The following SETD2 variants were observed in gnomAD, a reference collection of about 807,000 sequenced individuals.
SETD2 encodes histone-lysine N-methyltransferase SETD2.
In SETD2, 31 loss-of-function variants were observed where a neutral mutation model predicts 242.1. The observed-to-expected ratio is 0.13, with a 90% CI of 0.10 to 0.17. SETD2 has a LOEUF of 0.17. Ranked by LOEUF, SETD2 falls within the 10% of genes least tolerant of loss-of-function variation. The pLI, the probability that SETD2 is intolerant of heterozygous loss-of-function variation, is 1.00. For missense variants in SETD2, 2,481 were observed against 3,046.3 expected (o/e 0.81, Z 4.37); for synonymous variants, 1,006 against 1,066.5 (o/e 0.94, Z 1.11).
Position 47,062,328 on chromosome 3 carries a change from T to A in SETD2, c.6128A>T (p.Asp2043Val), listed in dbSNP as rs1456482272. ...KENTTTERGR[D>V]AVGFRDQTPA... ...TGTTTGATCTCTGAAGCCAACAGCA[T>A]CCCTTCCTCGTTCAGTTGCTAAGGG... Residue 2043 changes from aspartate (D) to valine (V), a missense_variant, in exon 14 of 21, where the codon GAT becomes GTT. Physicochemically the swap from Asp to Val is radical, Grantham distance 152. This residue lies in a region of SETD2 where 80 missense variants were observed against 102.6 expected (regional missense o/e 0.78). Transcript: ENST00000409792. 2 of 1,605,980 alleles carry A rather than the reference T, an allele frequency of 1.2e-6. No homozygotes were observed. Among genetic ancestry groups the A allele is most frequent in the South Asian group, 1.1e-5 (1 of 88,592 alleles).
chr3:47,019,226 T>A (rs1249260702), intron 19 of SETD2, among the ~76,000 whole-genome samples: 1 of 152,234 alleles, frequency 6.6e-6, no homozygotes, highest in Admixed American at 6.5e-5. Context: ...AACTGGACTT[T>A]GAGCCAGAAC....
rs138462098 is a variant in SETD2 at position 47,035,828 on chromosome 3, G to T, written c.7350+1838C>A. Among the ~76,000 whole-genome samples, 592 of 152,242 alleles carry T rather than the reference G, an allele frequency of 3.9e-3. 2 individuals are homozygous for T. The highest frequency in any genetic ancestry group is 0.012 in the African/African-American group (497 of 41,546). On this transcript the variant is annotated intron_variant, in intron 18 of 20. Coordinates refer to ENST00000409792, the MANE Select transcript of SETD2 (RefSeq NM_014159.7). ...AACACAGTACAGAAGTCTGGAAATG[G>T]GAGTTGTGATTTTTGTTTGTATTTA...
chr3:47,078,967 T>C (rs2041215668), intron 12 of SETD2, among the ~76,000 whole-genome samples: 1 of 152,072 alleles, frequency 6.6e-6, no homozygotes, highest in African/African-American at 2.4e-5. Flanking sequence ...TGGGCTCAAA[T>C]GATCTGCCCA....
Position 47,028,483 on chromosome 3 carries a change from A to G in SETD2, c.7351-8643T>C, listed in dbSNP as rs536308125. 3.3e-5 allele frequency among the ~76,000 whole-genome samples: 5 copies of G among 152,314 alleles called. No homozygotes were observed. The East Asian group carries it at 5.8e-4, about 18-fold the overall frequency. ...TCCCAGACAGGTGATGCCTTAGGAG[A>G]TACCCTAGAGAAAAAATTACTCTGG... On this transcript the variant is annotated intron_variant, in intron 18 of 20. Transcript: ENST00000409792.
intron 14 of SETD2, among the ~76,000 whole-genome samples, chr3:47,061,460 C>T (rs966499958): frequency 2.6e-5 from 4 of 152,082 alleles, no homozygotes; most frequent in African/African-American, 9.7e-5. Context: ...AAGGACAGCA[C>T]ATTTTCAATA....
intron 13 of SETD2, 118 bp downstream of exon 13, chr3:47,066,952 C>A: frequency 1.5e-6 from 1 of 660,604 alleles, no homozygotes; most frequent in Non-Finnish European, 2.6e-6. Context: ...TTTCATTTAC[C>A]TAGTTATATA....
intron 11 of SETD2, among the ~76,000 whole-genome samples, chr3:47,085,403 C>T (rs916790584): frequency 6.6e-6 from 1 of 152,216 alleles, no homozygotes; most frequent in Non-Finnish European, 1.5e-5. Context: ...ATGCAGACAT[C>T]TCTTCAGCTT....
Position 47,098,072 on chromosome 3 carries a change from G to A in SETD2, c.5025C>T (p.Ala1675=), listed in dbSNP as rs1293494337. Residue 1675 remains alanine, a synonymous_variant, in exon 9 of 21, where the codon GCC becomes GCT. Transcript: ENST00000409792. Reference sequence around the variant, plus strand: ...TGGCTGATCCGCAGAAACATTTCTGGGCTTCTTTTCTGTTCAAAGAGCATA... The same window carrying A: ...TGGCTGATCCGCAGAAACATTTCTGAGCTTCTTTTCTGTTCAAAGAGCATA... ...DYQFQRYGKE[A]QKCFCGSANC... 4 of 1,613,632 alleles carry A rather than the reference G, an allele frequency of 2.5e-6. No individual in the cohort carries two copies. Among genetic ancestry groups the A allele is most frequent in the East Asian group, 2.2e-5 (1 of 44,878 alleles).
intron 18 of SETD2, among the ~76,000 whole-genome samples, chr3:47,032,744 T>A (rs1467058100): frequency 6.6e-6 from 1 of 152,028 alleles, no homozygotes; most frequent in Non-Finnish European, 1.5e-5. Context: ...AAACCCTGTC[T>A]CTACTCCAAA....
At chr3:47,151,395 T>C (rs1235926190) in intron 1 of SETD2, among the ~76,000 whole-genome samples, 1 of 152,116 alleles carries the variant, frequency 6.6e-6, no homozygotes, top group Admixed American at 6.5e-5. Flanking sequence ...ATAAAAAAGC[T>C]TAAGCAATCG....
chr3:47,060,119 G>A (rs1258381218), intron 14 of SETD2, among the ~76,000 whole-genome samples: 4 of 152,136 alleles, frequency 2.6e-5, no homozygotes, highest in Admixed American at 2.0e-4. Context: ...ACCGGGCATC[G>A]TGGCACTTCC....
In SETD2 at chr3:47,101,499, T is replaced by C. The variant is rs2042209200; in HGVS notation, c.4974A>G (p.Ser1658=). 3.7e-6 allele frequency: 6 copies of C among 1,613,796 alleles called. No homozygotes were observed. The highest frequency in any genetic ancestry group is 5.1e-6 in the Non-Finnish European group (6 of 1,179,728). ...VGFFTTKLVP[S]GSELTFDYQF... is the part of the protein sequence containing the mutation. ...GATAGTCAAACGTTAACTCTGAGCC[T>C]GAAGGAACCAGTTTGGTGGTAAAAA... is the stretch of plus-strand genomic sequence containing the variant. Residue 1658 remains serine, a synonymous_variant, in exon 8 of 21, where the codon TCA becomes TCG. Transcript: ENST00000409792.
At chr3:47,091,174 T>G (rs925676335) in intron 9 of SETD2, among the ~76,000 whole-genome samples, 1 of 152,202 alleles carries the variant, frequency 6.6e-6, no homozygotes, top group African/African-American at 2.4e-5. Context: ...AAAGATATCT[T>G]TTCCTTGCAT....
intron 5 of SETD2, among the ~76,000 whole-genome samples, chr3:47,112,391 C>G (rs2042691543): frequency 6.6e-6 from 1 of 152,124 alleles, no homozygotes; most frequent in African/African-American, 2.4e-5. Flanking sequence ...AAGAGATTCT[C>G]CTGCCTCAGC....
In SETD2 at chr3:47,121,805, G is replaced by A. The variant is rs763288798; in HGVS notation, c.2831C>T (p.Ala944Val). Residue 944 changes from alanine to valine, a missense_variant, in exon 3 of 21, where the codon GCT becomes GTT. Around this residue, in one of 17 missense-constraint regions of SETD2, gnomAD observed 1,300 missense variants for 1,259.2 expected, o/e 1.03. Transcript: ENST00000409792. ...ATTATTACGCCTGTTCTCCCTGGAA[G>A]CAAATCCCTTTCCTGAATCAGGAAG... Reference protein sequence around the residue: ...SDLPDSGKGFASRENRRNNGL... With the variant: ...SDLPDSGKGFVSRENRRNNGL... 1 of 1,613,972 alleles carries A rather than the reference G, an allele frequency of 6.2e-7. No homozygotes were observed. Among genetic ancestry groups the A allele is most frequent in the East Asian group, 2.2e-5 (1 of 44,876 alleles).
chr3:47,145,395 G>GT (rs1392205897), intron 1 of SETD2: 7 of 259,488 alleles, frequency 2.7e-5, no homozygotes, highest in African/African-American at 1.5e-4. Context: ...CCTGTGTTTT[G>GT]TTTTTGTTTT....
At chr3:47,067,332 T>C (rs1483882075) in intron 12 of SETD2, among the ~76,000 whole-genome samples, 1 of 150,398 alleles carries the variant, frequency 6.6e-6, no homozygotes, top group Non-Finnish European at 1.5e-5. Context: ...TATATTTACA[T>C]CTATCAAGCT....
At chr3:47,140,043 C>T (rs748701913) in intron 1 of SETD2, among the ~76,000 whole-genome samples, 3 of 152,104 alleles carry the variant, frequency 2.0e-5, no homozygotes, top group Non-Finnish European at 2.9e-5. Context: ...ATAGCTGAAA[C>T]TTTATTTTAA....
In SETD2 at chr3:47,139,138, T is replaced by C. The variant is rs563113562; in HGVS notation, c.72-12475A>G. Among the ~76,000 whole-genome samples, 8 of 152,236 alleles carry C rather than the reference T, an allele frequency of 5.3e-5. No homozygotes were observed. In the South Asian group the frequency reaches 1.7e-3, roughly 32 times the overall value. ...CTTTTTATAGAGACGGGCTCACTTATCTTGCCCAAGCTCTCAAATTATTTT... is the reference window on the plus strand; with the variant it reads ...CTTTTTATAGAGACGGGCTCACTTACCTTGCCCAAGCTCTCAAATTATTTT... On this transcript the variant is annotated intron_variant, in intron 1 of 20. Transcript: ENST00000409792.
Sources: gnomAD v4.1 joint callset for allele counts (sites outside exome capture counted in the v4.1 genomes callset) on GRCh38, gnomAD v4.1.1 for gene constraint, gnomAD v4.1.1 regional missense constraint, MANE v1.5 for transcripts, NCBI Gene and HGNC (gene_info 2026-07-23, HGNC 2026-07-21) for gene names.